Variants in EBF3 observed in about 807,000 individuals in gnomAD.
The protein encoded by EBF3 is EBF transcription factor 3.
Under a neutral mutation model 77.1 loss-of-function variants are expected in EBF3, and 18 were observed. The observed-to-expected ratio is 0.23, with a 90% CI of 0.16 to 0.35. EBF3 has a LOEUF of 0.35. Ranked by LOEUF, EBF3 falls within the 10% of genes least tolerant of loss-of-function variation. EBF3 has a pLI of 1.00. For missense variants in EBF3, 558 were observed against 860.0 expected, an observed-to-expected ratio of 0.65 and a Z score of 4.39; for synonymous variants, 350 against 343.5, an observed-to-expected ratio of 1.02 and a Z score of -0.21.
chr10:129,964,178 G>C lies in EBF3; in HGVS notation c.-410C>G. 11 of 984,944 alleles carry C rather than the reference G, an allele frequency of 1.1e-5. No homozygotes were observed. The highest frequency in any genetic ancestry group is 1.3e-5 in the Non-Finnish European group (11 of 829,788). The allele number at this position is 984,944 out of a possible 1,614,324, so 61.0% of individuals were successfully genotyped here. ...AAATAAACGGGGCAGTGAGTGCTGC[G>C]GCGCAGTCCCGGGCGCAGGCGGGGC... On this transcript the variant is annotated 5_prime_UTR_variant, in exon 1 of 17. Coordinates refer to ENST00000440978, the MANE Select transcript of EBF3 (RefSeq NM_001375380.1). This position sits in a 1 kb window ranked among gnomAD's most constrained non-coding sequence, Gnocchi z 4.5.
intron 10 of EBF3, among the ~76,000 whole-genome samples, chr10:129,856,851 TAC>T (rs1181441744): frequency 4.6e-5 from 7 of 152,376 alleles, no homozygotes; most frequent in Admixed American, 3.9e-4. Context: ...GTGAACAAAA[TAC>T]AGTGTTTTTA....
rs1857536646 is a variant in EBF3, at chr10:129,938,836, T to TG, written c.554+18421dup. Among the ~76,000 whole-genome samples the TG allele has an allele frequency of 6.6e-6, 1 of 152,102 alleles. No homozygotes were observed. Among genetic ancestry groups the TG allele is most frequent in the East Asian group, 1.9e-4 (1 of 5,164 alleles). On this transcript the variant is annotated intron_variant, in intron 6 of 16. Transcript: ENST00000440978. The surrounding 1 kb of genome is among the most constrained non-coding windows in gnomAD (Gnocchi z 5.1). ...AACCTGGGGAAAGAGAACAGAACTT[T>TG]GGGGCAGAACCAGGAAGAACCCACT...
intron 10 of EBF3, among the ~76,000 whole-genome samples, chr10:129,857,107 A>G (rs974301799): frequency 1.3e-5 from 2 of 152,170 alleles, no homozygotes; most frequent in South Asian, 4.1e-4. Context: ...ACCCTTTTCA[A>G]TCTCCATGGA....
chr10:129,902,308 C>T (rs1692174146), intron 6 of EBF3, among the ~76,000 whole-genome samples: 1 of 151,414 alleles, frequency 6.6e-6, no homozygotes, highest in African/African-American at 2.4e-5. Context: ...CCACCTAACT[C>T]CACGGCAAGG....
chr10:129,853,134 T>G (rs1328265966), intron 10 of EBF3, among the ~76,000 whole-genome samples: 1 of 152,234 alleles, frequency 6.6e-6, no homozygotes, highest in Admixed American at 6.5e-5. Flanking sequence ...CTGTAAGTAC[T>G]CCTAGAGTAA....
intron 4 of EBF3, among the ~76,000 whole-genome samples, chr10:129,960,058 G>A (rs1486072065): frequency 6.6e-6 from 1 of 151,858 alleles, no homozygotes. Flanking sequence ...CTGGGGATCG[G>A]GAGCCGCCCG....
intron 6 of EBF3, among the ~76,000 whole-genome samples, chr10:129,892,875 A>G (rs1162707388): frequency 1.3e-5 from 2 of 152,234 alleles, no homozygotes; most frequent in East Asian, 3.9e-4. Context: ...CCATCAAATC[A>G]TAACCCCCAA....
At chr10:129,911,431 C>T (rs1452123304) in intron 6 of EBF3, among the ~76,000 whole-genome samples, 2 of 152,218 alleles carry the variant, frequency 1.3e-5, no homozygotes, top group African/African-American at 4.8e-5. Flanking sequence ...CCTGCTCCAC[C>T]TCCCTCTGCT....
Position 129,843,171 on chromosome 10 carries a change from A to C in EBF3, c.1160T>G (p.Val387Gly). The C allele has an allele frequency of 6.2e-7, 1 of 1,613,432 alleles. No homozygotes were observed. The highest frequency in any genetic ancestry group is 1.7e-5 in the Admixed American group (1 of 59,946). Reference sequence around the variant, plus strand: ...GTGAGGCATTCCGTATAAGGCTTCCACCAGGTCCGCCGCCCGCTTCAGTAA... The same window carrying C: ...GTGAGGCATTCCGTATAAGGCTTCCCCCAGGTCCGCCGCCCGCTTCAGTAA... ...EVLLKRAADLVEALYGMPHNN... is the reference protein window; with the variant it reads ...EVLLKRAADLGEALYGMPHNN... The change falls in exon 12 of 17, where the codon GTG (valine) becomes GGG (glycine). Residue 387 changes from valine to glycine, a missense_variant. By Grantham distance (109) the Val-to-Gly change is moderately radical. Around this residue, in one of 5 missense-constraint regions of EBF3, gnomAD observed 284 missense variants for 368.3 expected, o/e 0.77. Transcript: ENST00000440978.
chr10:129,912,463 T>C (rs1242580779), intron 6 of EBF3, among the ~76,000 whole-genome samples: 7 of 152,136 alleles, frequency 4.6e-5, no homozygotes, highest in Non-Finnish European at 1.5e-5. Flanking sequence ...ATCTCTTGTC[T>C]ACAAAGCAGA....
At chr10:129,948,905 G>A (rs1416819027) in intron 6 of EBF3, among the ~76,000 whole-genome samples, 1 of 152,160 alleles carries the variant, frequency 6.6e-6, no homozygotes, top group Non-Finnish European at 1.5e-5. Flanking sequence ...CCGGACGTGT[G>A]GTTCTTGACA....
Position 129,935,094 on chromosome 10 carries a change from T to A in EBF3, c.554+22164A>T, listed in dbSNP as rs1857265500. Among the ~76,000 whole-genome samples, 1 of 152,182 alleles carries A rather than the reference T, an allele frequency of 6.6e-6. No individual in the cohort carries two copies. The highest frequency in any genetic ancestry group is 1.5e-5 in the Non-Finnish European group (1 of 68,028). On this transcript the variant is annotated intron_variant, in intron 6 of 16. Coordinates refer to ENST00000440978, the MANE Select transcript of EBF3 (RefSeq NM_001375380.1). The surrounding 1 kb of genome is among the most constrained non-coding windows in gnomAD (Gnocchi z 4.2). ...CTCATCCTAACACATTAGCTGTAGCTGGTGGTCCGGTTCCCTAAGAACCGG... is the reference window on the plus strand; with the variant it reads ...CTCATCCTAACACATTAGCTGTAGCAGGTGGTCCGGTTCCCTAAGAACCGG...
chr10:129,925,085 C>T (rs1162338444), intron 6 of EBF3, among the ~76,000 whole-genome samples: 1 of 151,244 alleles, frequency 6.6e-6, no homozygotes, highest in Non-Finnish European at 1.5e-5. Context: ...TGTGTGCACG[C>T]GTGTGTGTGT....
Position 129,842,181 on chromosome 10 carries a change from C to G in EBF3, c.1307G>C (p.Gly436Ala). 1 of 1,614,234 alleles carries G rather than the reference C, an allele frequency of 6.2e-7. No homozygotes were observed. The highest frequency in any genetic ancestry group is 1.1e-5 in the South Asian group (1 of 91,084). ...GNNPAHTGMM[G>A]VNSFSSQLAV... ...TAGCTGGCTGCTGAAGGAGTTGACG[C>G]CCATCATGCCCGTGTGTGCAGGGTT... Residue 436 changes from glycine to alanine, a missense_variant, in exon 13 of 17, where the codon GGC becomes GCC. Around this residue, in one of 5 missense-constraint regions of EBF3, gnomAD observed 284 missense variants for 368.3 expected, o/e 0.77. Coordinates refer to ENST00000440978, the MANE Select transcript of EBF3 (RefSeq NM_001375380.1). The surrounding 1 kb of genome is among the most constrained non-coding windows in gnomAD (Gnocchi z 4.4).
intron 10 of EBF3, among the ~76,000 whole-genome samples, chr10:129,850,309 T>C (rs1317313660): frequency 6.6e-6 from 1 of 152,258 alleles, no homozygotes; most frequent in East Asian, 1.9e-4. Flanking sequence ...TTTCAGAAGC[T>C]TTATGACTTG....
chr10:129,953,349 A>G (rs11017028), intron 6 of EBF3, among the ~76,000 whole-genome samples: 28,769 of 152,178 alleles, frequency 0.19, 2,884 homozygotes, highest in East Asian at 0.25. Context: ...AGCCCACAGG[A>G]TTGAAATTTT....
intron 6 of EBF3, among the ~76,000 whole-genome samples, chr10:129,915,752 G>A (rs778039348): frequency 3.9e-5 from 6 of 152,172 alleles, no homozygotes; most frequent in South Asian, 2.1e-4. Context: ...GAACACGCCC[G>A]ATGCCGGCTT....
At chr10:129,889,160 C>T (rs563051716) in intron 6 of EBF3, among the ~76,000 whole-genome samples, 1 of 152,326 alleles carries the variant, frequency 6.6e-6, no homozygotes, top group East Asian at 1.9e-4. Flanking sequence ...CTCTGCTGGC[C>T]GCCAAAGCCC....
chr10:129,957,058 C>A (rs1459615916), intron 6 of EBF3, among the ~76,000 whole-genome samples, 200 bp downstream of exon 6: 2 of 152,206 alleles, frequency 1.3e-5, no homozygotes, highest in Admixed American at 6.5e-5. Flanking sequence ...CAAGCAATTA[C>A]TGAATCCCCA....
Sources: gnomAD v4.1 joint callset for allele counts (sites outside exome capture counted in the v4.1 genomes callset) on GRCh38, gnomAD v4.1.1 for gene constraint, gnomAD v4.1.1 regional missense constraint, Gnocchi (gnomAD v3.1) non-coding constraint, MANE v1.5 for transcripts, NCBI Gene and HGNC (gene_info 2026-07-23, HGNC 2026-07-21) for gene names.